TIMMDC1: variants seen among roughly 807,000 people sequenced by gnomAD.
TIMMDC1 encodes translocase of inner mitochondrial membrane domain containing 1.
In TIMMDC1, 25 loss-of-function variants were observed where a neutral mutation model predicts 32.6. The observed-to-expected ratio is 0.77, with a 90% CI of 0.56 to 1.07. The LOEUF (loss-of-function observed/expected upper bound fraction) is 1.07. TIMMDC1 is among the 50% of genes least tolerant of loss of function. TIMMDC1 has a pLI of 0.00. For synonymous variants in TIMMDC1, 130 were observed against 127.6 expected (o/e 1.02, Z -0.13); for missense variants, 329 against 349.2 (o/e 0.94, Z 0.46).
chr3:119,519,861 C>T (rs953108252), intron 6 of TIMMDC1, among the ~76,000 whole-genome samples: 1 of 151,934 alleles, frequency 6.6e-6, no homozygotes, highest in Non-Finnish European at 1.5e-5. Flanking sequence ...TGTTAGGCTA[C>T]AAAACAAGTC....
rs150066392 is a variant in TIMMDC1 at position 119,507,505 on chromosome 3, C to T, written c.517+3484C>T. On this transcript the variant is annotated intron_variant, in intron 4 of 6. Transcript: ENST00000494664. ...TAGCATTTCTTTTTGATTCTCTCTTCGAATTTCCATCTCTCTGCTTATATT... is the reference window on the plus strand; with the variant it reads ...TAGCATTTCTTTTTGATTCTCTCTTTGAATTTCCATCTCTCTGCTTATATT... Among the ~76,000 whole-genome samples, 321 of 152,270 alleles carry T rather than the reference C, an allele frequency of 2.1e-3. 2 individuals are homozygous for T. The highest frequency in any genetic ancestry group is 3.9e-3 in the Non-Finnish European group (262 of 68,016).
intron 2 of TIMMDC1, among the ~76,000 whole-genome samples, chr3:119,502,628 A>G (rs891126296): frequency 6.6e-6 from 1 of 151,890 alleles, no homozygotes; most frequent in Non-Finnish European, 1.5e-5. Flanking sequence ...GCGCGATCAT[A>G]GCTCACCACA....
chr3:119,513,292 G>A (rs1420595217), intron 4 of TIMMDC1, among the ~76,000 whole-genome samples: 2 of 151,854 alleles, frequency 1.3e-5, no homozygotes, highest in Non-Finnish European at 2.9e-5. Flanking sequence ...GGCTAGTGAA[G>A]GTTTTTTGCT....
intron 3 of TIMMDC1, 131 bp from the exon 4 acceptor site, chr3:119,503,823 G>A (rs1366706148): frequency 2.9e-5 from 24 of 836,742 alleles, no homozygotes; most frequent in Non-Finnish European, 4.3e-5. Context: ...ACATTGAAGG[G>A]GCCTAGGCTA....
chr3:119,514,476 ACTAT>A (rs771714699), intron 5 of TIMMDC1, among the ~76,000 whole-genome samples: 1 of 152,330 alleles, frequency 6.6e-6, no homozygotes, highest in South Asian at 2.1e-4. Context: ...TTTCAACACA[ACTAT>A]CTAAGTTAGG....
rs761694921 is a variant in TIMMDC1, at chr3:119,513,715, C to T, written c.592C>T (p.Leu198=). 3 of 1,601,270 alleles carry T rather than the reference C, an allele frequency of 1.9e-6. No individual in the cohort carries two copies. Among genetic ancestry groups the T allele is most frequent in the Non-Finnish European group, 2.6e-6 (3 of 1,175,208 alleles). Residue 198 remains leucine, a synonymous_variant, in exon 5 of 7, where the codon CTG becomes TTG. Coordinates refer to ENST00000494664, the MANE Select transcript of TIMMDC1 (RefSeq NM_016589.4). The stretch of plus-strand genomic sequence containing the variant: ...GGCTGGTGGCATAATTGGAGCCTTG[C>T]TGGGGTAAGCATTAACATGGTTTGG... The part of the protein sequence containing the change: ...LVAGGIIGAL[L]GTPVGGLLMA...
chr3:119,498,745 G>A lies in TIMMDC1; in HGVS notation c.12G>A (p.Pro4=), dbSNP rs1397012806. MEV[P]PPAPRSFLCR... ...GTCGAGAGAAGGCCATGGAGGTGCCGCCACCGGCACCGCGGAGCTTTCTCT... is the reference window on the plus strand; with the variant it reads ...GTCGAGAGAAGGCCATGGAGGTGCCACCACCGGCACCGCGGAGCTTTCTCT... The change falls in exon 1 of 7, where the codon CCG becomes CCA. Residue 4 remains proline, a synonymous_variant. Transcript: ENST00000494664. 2 of 1,614,120 alleles carry A rather than the reference G, an allele frequency of 1.2e-6. No individual in the cohort carries two copies. The highest frequency in any genetic ancestry group is 1.7e-5 in the Admixed American group (1 of 60,036).
intron 4 of TIMMDC1, among the ~76,000 whole-genome samples, chr3:119,512,386 C>G (rs540007277): frequency 6.6e-6 from 1 of 152,324 alleles, no homozygotes; most frequent in South Asian, 2.1e-4. Flanking sequence ...TCAAGTGATT[C>G]TCCTGCCTCA....
At chr3:119,522,411 A>G (rs1449912942) in intron 6 of TIMMDC1, among the ~76,000 whole-genome samples, 1 of 151,566 alleles carries the variant, frequency 6.6e-6, no homozygotes, top group Non-Finnish European at 1.5e-5. Context: ...GGGGACAGGG[A>G]AAGGCATAAG....
At chr3:119,518,129 C>T (rs1453968419) in intron 6 of TIMMDC1, among the ~76,000 whole-genome samples, 1 of 152,058 alleles carries the variant, frequency 6.6e-6, no homozygotes, top group East Asian at 1.9e-4. Context: ...AAAACTTTCA[C>T]CTATTGCATC....
intron 2 of TIMMDC1, among the ~76,000 whole-genome samples, chr3:119,502,256 G>T (rs1321217475): frequency 6.6e-6 from 1 of 151,220 alleles, no homozygotes; most frequent in African/African-American, 2.4e-5. Context: ...TTGAGACAGG[G>T]TCTCACTCTG....
Position 119,511,158 on chromosome 3 carries a change from A to G in TIMMDC1, c.518-2483A>G, listed in dbSNP as rs146057251. Among the ~76,000 whole-genome samples the G allele has an allele frequency of 2.4e-3, 366 of 152,230 alleles. 2 individuals carry two copies. Among genetic ancestry groups the G allele is most frequent in the Middle Eastern group, 6.8e-3 (2 of 294 alleles). ...TTTTTCAAATTATTGCACATTTCCA[A>G]AACATTTTTCAATATATTTATTGAA... On this transcript the variant is annotated intron_variant, in intron 4 of 6. Coordinates refer to ENST00000494664, the MANE Select transcript of TIMMDC1 (RefSeq NM_016589.4).
chr3:119,508,360 CTG>C (rs1370933937), intron 4 of TIMMDC1, among the ~76,000 whole-genome samples: 2 of 152,190 alleles, frequency 1.3e-5, no homozygotes, highest in African/African-American at 4.8e-5. Flanking sequence ...GTGTGATTCT[CTG>C]TATTTATCTG....
chr3:119,522,804 T>TGTGTGTG lies in TIMMDC1; in HGVS notation c.708-802_708-801insGTGTGTG, dbSNP rs1553780708. Among the ~76,000 whole-genome samples, 715 of 148,756 alleles carry TGTGTGTG rather than the reference T, an allele frequency of 4.8e-3. 1 individual carries two copies. The highest frequency in any genetic ancestry group is 8.3e-3 in the Non-Finnish European group (556 of 66,616). On this transcript the variant is annotated intron_variant, in intron 6 of 6. Coordinates refer to ENST00000494664, the MANE Select transcript of TIMMDC1 (RefSeq NM_016589.4). ...GTATAGCATATACACGTATGGGTGT[T>TGTGTGTG]TGTGTGTGTGTGTGTGTGTGTGTGT...
In TIMMDC1 at chr3:119,504,009, G is replaced by T; in HGVS notation, c.505G>T (p.Val169Leu). ...YRNKDALSHF[V>L]IAGAVTGSLF... is the part of the protein sequence containing the mutation. ...AAATAAAGATGCCTTAAGCCATTTT[G>T]TAATTGCAGGAGGTAAGACATTTTT... Residue 169 changes from valine (V) to leucine (L), a missense_variant, in exon 4 of 7, where the codon GTA becomes TTA. By Grantham distance (32) the Val-to-Leu change is conservative. Coordinates refer to ENST00000494664, the MANE Select transcript of TIMMDC1 (RefSeq NM_016589.4). The T allele has an allele frequency of 6.2e-7, 1 of 1,612,020 alleles. No homozygotes were observed. The highest frequency in any genetic ancestry group is 8.5e-7 in the Non-Finnish European group (1 of 1,178,244).
intron 5 of TIMMDC1, among the ~76,000 whole-genome samples, chr3:119,514,487 T>G (rs2081973221): frequency 6.6e-6 from 1 of 152,196 alleles, no homozygotes; most frequent in Non-Finnish European, 1.5e-5. Flanking sequence ...CTATCTAAGT[T>G]AGGGTCTATA....
At chr3:119,510,420 G>A (rs188713767) in intron 4 of TIMMDC1, among the ~76,000 whole-genome samples, 21 of 152,022 alleles carry the variant, frequency 1.4e-4, no homozygotes, top group South Asian at 4.2e-4. Flanking sequence ...AAAATTACAG[G>A]CTTTTTTAAA....
chr3:119,502,830 G>A (rs571588243), intron 2 of TIMMDC1, among the ~76,000 whole-genome samples: 157 of 152,234 alleles, frequency 1.0e-3, no homozygotes, highest in Non-Finnish European at 2.0e-3. Context: ...AAAGTGCTGA[G>A]ATTACAGGTG....
intron 2 of TIMMDC1, among the ~76,000 whole-genome samples, chr3:119,502,773 C>G (rs535341203): frequency 2.0e-5 from 3 of 152,118 alleles, no homozygotes; most frequent in Non-Finnish European, 4.4e-5. Flanking sequence ...GTTGCCCAGG[C>G]TGGTCTTAAA....
Sources: allele counts gnomAD v4.1 joint callset (sites outside exome capture counted in the v4.1 genomes callset), GRCh38; gene constraint gnomAD v4.1.1; transcripts MANE v1.5; gene names NCBI Gene and HGNC (gene_info 2026-07-23, HGNC 2026-07-21).